CLPB: variants seen among roughly 807,000 people sequenced by gnomAD.
The protein encoded by CLPB is ClpB family mitochondrial disaggregase.
In CLPB, 40 loss-of-function variants were observed where a neutral mutation model predicts 78.4. The observed-to-expected ratio is 0.51, with a 90% CI of 0.40 to 0.66. CLPB has a LOEUF of 0.66. Among genes scored for constraint, CLPB ranks in the 30% least tolerant of loss-of-function variants. The pLI is 0.00. For missense variants in CLPB, 780 were observed against 886.9 expected (o/e 0.88, Z 1.53); for synonymous variants, 333 against 348.0 (o/e 0.96, Z 0.48).
chr11:72,383,530 C>CAA (rs1232432851), intron 3 of CLPB, among the ~76,000 whole-genome samples: 3,912 of 65,200 alleles, frequency 0.06, 219 homozygotes, highest in African/African-American at 0.19. Flanking sequence ...GACTCTGTCT[C>CAA]AAAAAAAAAA....
intron 6 of CLPB, among the ~76,000 whole-genome samples, chr11:72,326,044 G>A (rs1565439689): frequency 1.3e-5 from 2 of 152,092 alleles, no homozygotes; most frequent in Admixed American, 6.6e-5. Context: ...TAAATCATCT[G>A]CTTGCTTTCC....
chr11:72,341,566 G>A (rs1950421006), intron 5 of CLPB, among the ~76,000 whole-genome samples: 1 of 152,210 alleles, frequency 6.6e-6, no homozygotes, highest in African/African-American at 2.4e-5. Context: ...TTTGATAGGT[G>A]GAGAAGTGGG....
At chr11:72,304,739 A>T (rs1385561112) in intron 9 of CLPB, among the ~76,000 whole-genome samples, 1 of 152,248 alleles carries the variant, frequency 6.6e-6, no homozygotes, top group Non-Finnish European at 1.5e-5. Context: ...TCAGAGAGCC[A>T]GAACTAGAAT....
intron 3 of CLPB, among the ~76,000 whole-genome samples, chr11:72,395,854 A>G (rs969850687): frequency 1.3e-5 from 2 of 152,160 alleles, no homozygotes; most frequent in African/African-American, 2.4e-5. Flanking sequence ...AAGGAAGCAG[A>G]GCCTCCCAGG....
chr11:72,372,355 A>G (rs1184056220), intron 4 of CLPB, among the ~76,000 whole-genome samples: 2 of 152,236 alleles, frequency 1.3e-5, no homozygotes, highest in Admixed American at 6.5e-5. Flanking sequence ...CTGCCTCCCA[A>G]TAACCTTTAT....
At chr11:72,423,698 T>A (rs912856540) in intron 2 of CLPB, among the ~76,000 whole-genome samples, 3 of 152,250 alleles carry the variant, frequency 2.0e-5, no homozygotes, top group African/African-American at 7.2e-5. Context: ...CACATACACA[T>A]ACTGGCTGAA....
At chr11:72,382,813 G>C (rs1281664100) in intron 3 of CLPB, among the ~76,000 whole-genome samples, 1 of 152,012 alleles carries the variant, frequency 6.6e-6, no homozygotes, top group Non-Finnish European at 1.5e-5. Flanking sequence ...AGAACAATCA[G>C]GGAAACTTGA....
chr11:72,338,562 A>T (rs1252663745), intron 5 of CLPB, among the ~76,000 whole-genome samples: 1 of 152,074 alleles, frequency 6.6e-6, no homozygotes, highest in Non-Finnish European at 1.5e-5. Flanking sequence ...TGCCAAACTC[A>T]TCTTTGCCCA....
At position 72,295,599 on chromosome 11, in the gene CLPB, A is replaced by T; in HGVS notation, c.1379T>A (p.Ile460Asn). The T allele has an allele frequency of 6.2e-7, 1 of 1,614,116 alleles. No individual in the cohort carries two copies. The highest frequency in any genetic ancestry group is 1.3e-5 in the African/African-American group (1 of 75,046). The part of the protein sequence containing the change: ...KGKTIDCKDA[I>N]FIMTSNVASD... ...GGCCACATTGGAGGTCATGATGAAG[A>T]TGGCGTCCTTGCAATCAATGGTCTT... The change falls in exon 12 of 16, where the codon ATC becomes AAC. Residue 460 changes from isoleucine (I) to asparagine (N), a missense_variant. Physicochemically the swap from Ile to Asn is moderately radical, Grantham distance 149 (BLOSUM62 -3). Transcript: ENST00000538039.
intron 5 of CLPB, among the ~76,000 whole-genome samples, chr11:72,356,660 C>T (rs138371566): frequency 6.6e-6 from 1 of 152,342 alleles, no homozygotes; most frequent in African/African-American, 2.4e-5. Context: ...GGGCTAAGGG[C>T]ATCTGTTCCA....
chr11:72,363,155 C>CA (rs972519760), intron 4 of CLPB, among the ~76,000 whole-genome samples: 887 of 87,432 alleles, frequency 0.01, 14 homozygotes, highest in African/African-American at 0.036. Flanking sequence ...GACCCTGTCT[C>CA]AAAAAAAAAA....
chr11:72,384,053 C>G (rs1590876052), intron 3 of CLPB, among the ~76,000 whole-genome samples: 2 of 152,280 alleles, frequency 1.3e-5, no homozygotes, highest in Non-Finnish European at 1.5e-5. Context: ...ACTCAGGAGG[C>G]TGAGGTAGGA....
chr11:72,376,652 AT>A (rs35156663), intron 4 of CLPB, among the ~76,000 whole-genome samples: 86,770 of 150,564 alleles, frequency 0.58, 27,633 homozygotes, highest in Non-Finnish European at 0.7. Flanking sequence ...TATTATTATT[AT>A]TTTTTTTTAA....
At chr11:72,377,424 A>T (rs1356842829) in intron 4 of CLPB, among the ~76,000 whole-genome samples, 2 of 152,228 alleles carry the variant, frequency 1.3e-5, no homozygotes, top group African/African-American at 4.8e-5. Context: ...ATCCACAGGA[A>T]GCCTACTACT....
At chr11:72,351,803 C>T (rs1294484229) in intron 5 of CLPB, among the ~76,000 whole-genome samples, 1 of 152,068 alleles carries the variant, frequency 6.6e-6, no homozygotes, top group Admixed American at 6.5e-5. Flanking sequence ...AACTCCTGAC[C>T]TCAGGGATCC....
chr11:72,403,928 T>C (rs1360350632), intron 2 of CLPB, among the ~76,000 whole-genome samples: 3 of 152,206 alleles, frequency 2.0e-5, no homozygotes, highest in African/African-American at 4.8e-5. Context: ...CCAAGTACTT[T>C]ACATTCATGA....
chr11:72,331,394 ACT>A (rs1354868590), intron 5 of CLPB, among the ~76,000 whole-genome samples: 1 of 146,802 alleles, frequency 6.8e-6, no homozygotes, highest in Non-Finnish European at 1.5e-5. Context: ...ACAGAGCGAG[ACT>A]CTGTCTCAAA....
intron 7 of CLPB, among the ~76,000 whole-genome samples, chr11:72,313,943 T>A (rs573140265): frequency 1.2e-4 from 18 of 152,328 alleles, no homozygotes; most frequent in African/African-American, 4.3e-4. Context: ...AGTAACATGA[T>A]GTGGGGTGGA....
chr11:72,401,657 T>C (rs1855565192), intron 3 of CLPB, among the ~76,000 whole-genome samples: 1 of 152,206 alleles, frequency 6.6e-6, no homozygotes, highest in Non-Finnish European at 1.5e-5. Flanking sequence ...TCTTTCACAT[T>C]TATAATCCTT....
Sources: allele counts gnomAD v4.1 joint callset (sites outside exome capture counted in the v4.1 genomes callset), GRCh38; gene constraint gnomAD v4.1.1; transcripts MANE v1.5; gene names NCBI Gene and HGNC (gene_info 2026-07-23, HGNC 2026-07-21).